The following GLCCI1 variants were observed in gnomAD, a reference collection of about 807,000 sequenced individuals.
GLCCI1 encodes glucocorticoid induced 1, also known as glucocorticoid-induced transcript 1 protein.
Under a neutral mutation model 52.2 loss-of-function variants are expected in GLCCI1, and 24 were observed. The ratio of observed to expected loss-of-function variants is 0.46; its 90% CI spans 0.33 to 0.65. GLCCI1 has a LOEUF of 0.65. GLCCI1 is among the 30% of genes least tolerant of loss of function. The pLI, the probability that GLCCI1 is intolerant of heterozygous loss-of-function variation, is 0.02. For synonymous variants in GLCCI1, 310 were observed against 276.5 expected (o/e 1.12, Z -1.20); for missense variants, 704 against 701.5 (o/e 1.00, Z -0.04).
intron 3 of GLCCI1, among the ~76,000 whole-genome samples, chr7:8,053,005 A>ATTAT (rs60377934): frequency 0.28 from 40,512 of 147,022 alleles, 5,706 homozygotes; most frequent in Middle Eastern, 0.37. Flanking sequence ...TTGGTTTTGT[A>ATTAT]TTATTTATTT....
intron 6 of GLCCI1, among the ~76,000 whole-genome samples, chr7:8,077,861 A>G (rs1277888655): frequency 6.6e-6 from 1 of 152,196 alleles, no homozygotes; most frequent in Non-Finnish European, 1.5e-5. Context: ...CGGTGTGTAC[A>G]GAACAGTAAG....
At chr7:7,991,421 G>C (rs1780836886) in intron 1 of GLCCI1, among the ~76,000 whole-genome samples, 1 of 152,004 alleles carries the variant, frequency 6.6e-6, no homozygotes, top group South Asian at 2.1e-4. Flanking sequence ...TTCCAAGGAA[G>C]GATGTTACTT....
chr7:8,014,057 T>A (rs918034293), intron 2 of GLCCI1, among the ~76,000 whole-genome samples: 5 of 151,720 alleles, frequency 3.3e-5, no homozygotes, highest in Non-Finnish European at 7.4e-5. Flanking sequence ...TGGCACTGTC[T>A]TGGCTCACTG....
At chr7:8,060,633 G>C (rs2127960752) in intron 5 of GLCCI1, among the ~76,000 whole-genome samples, 1 of 152,146 alleles carries the variant, frequency 6.6e-6, no homozygotes, top group African/African-American at 2.4e-5. Flanking sequence ...GTGTTTTTAA[G>C]GTTCACCCAC....
chr7:8,068,591 G>A lies in GLCCI1; in HGVS notation c.967-2330G>A, dbSNP rs893969652. ...TTGGATTGGGTTTTTGCTTTCTTCT[G>A]AATCTTGATGACCTTCATTTCTATA... On this transcript the variant is annotated intron_variant, in intron 5 of 7. Coordinates refer to ENST00000223145, the MANE Select transcript of GLCCI1 (RefSeq NM_138426.4). 5.9e-5 allele frequency among the ~76,000 whole-genome samples: 9 copies of A among 152,088 alleles called. No homozygotes were observed. In the East Asian group the frequency reaches 1.7e-3, roughly 29 times the overall value.
At chr7:8,066,521 G>A (rs1319237150) in intron 5 of GLCCI1, among the ~76,000 whole-genome samples, 1 of 150,956 alleles carries the variant, frequency 6.6e-6, no homozygotes, top group East Asian at 1.9e-4. Context: ...GACCTTTAGA[G>A]CTTGTAAATT....
chr7:8,064,280 T>C (rs928315703), intron 5 of GLCCI1, among the ~76,000 whole-genome samples: 3 of 152,340 alleles, frequency 2.0e-5, no homozygotes, highest in African/African-American at 7.2e-5. Flanking sequence ...TATTTTTGTA[T>C]ATGGTGTGAG....
chr7:8,007,223 C>T (rs757006631), intron 2 of GLCCI1, among the ~76,000 whole-genome samples: 11 of 152,072 alleles, frequency 7.2e-5, no homozygotes, highest in Admixed American at 1.3e-4. Context: ...ATATAGGGCT[C>T]ATTTTACAGA....
intron 1 of GLCCI1, among the ~76,000 whole-genome samples, chr7:7,978,552 C>G (rs1438280584): frequency 6.6e-6 from 1 of 151,954 alleles, no homozygotes; most frequent in Non-Finnish European, 1.5e-5. Flanking sequence ...GTCATTTGTG[C>G]TTACTATAAG....
intron 1 of GLCCI1, among the ~76,000 whole-genome samples, chr7:7,987,735 A>C (rs1780763555): frequency 6.6e-6 from 1 of 152,136 alleles, no homozygotes; most frequent in South Asian, 2.1e-4. Flanking sequence ...CTACAGGTGC[A>C]TGCCGCCATG....
intron 1 of GLCCI1, among the ~76,000 whole-genome samples, chr7:7,974,423 TTTA>T: frequency 6.6e-6 from 1 of 152,286 alleles, no homozygotes; most frequent in Middle Eastern, 3.4e-3. Context: ...TGGAAATCAT[TTTA>T]TTAATTACAG....
chr7:8,087,141 C>T lies in GLCCI1; in HGVS notation c.*603C>T, dbSNP rs1783133886. 1 of 152,752 alleles carries T rather than the reference C, an allele frequency of 6.5e-6. No homozygotes were observed. Among genetic ancestry groups the T allele is most frequent in the Admixed American group, 6.5e-5 (1 of 15,300 alleles). 9.5% of individuals were successfully genotyped at this position (152,752 alleles called of 1,614,324 possible). A position where few individuals can be genotyped will look rare whatever the true frequency, so the allele number is the denominator to read the frequency against. On this transcript the variant is annotated 3_prime_UTR_variant, in exon 8 of 8. Transcript: ENST00000223145. ...CTAAAAAGCTAAAGAGGGAACATCA[C>T]TCTTTTGCCTTTCCTTATTTTATGC...
chr7:7,979,105 A>G (rs138609383), intron 1 of GLCCI1, among the ~76,000 whole-genome samples: 7 of 152,314 alleles, frequency 4.6e-5, no homozygotes, highest in Non-Finnish European at 8.8e-5. Flanking sequence ...GTTGGCAAAC[A>G]TTGCTAAATG....
At chr7:8,007,726 G>A (rs1161301979) in intron 2 of GLCCI1, among the ~76,000 whole-genome samples, 1 of 152,132 alleles carries the variant, frequency 6.6e-6, no homozygotes, top group Non-Finnish European at 1.5e-5. Context: ...TGGGCTGTTT[G>A]GCCTTGGTGG....
chr7:7,984,751 A>G, intron 1 of GLCCI1, among the ~76,000 whole-genome samples: 2 of 152,350 alleles, frequency 1.3e-5, no homozygotes, highest in South Asian at 4.1e-4. Flanking sequence ...AGCAAAATTA[A>G]TATCCTAAGA....
chr7:7,994,430 A>G (rs557943743), intron 1 of GLCCI1, among the ~76,000 whole-genome samples: 2 of 152,306 alleles, frequency 1.3e-5, no homozygotes, highest in East Asian at 3.9e-4. Flanking sequence ...ATTGTTCACA[A>G]TTCTGGAGAG....
chr7:8,063,785 AT>A (rs973067860), intron 5 of GLCCI1, among the ~76,000 whole-genome samples: 6 of 147,758 alleles, frequency 4.1e-5, no homozygotes, highest in Non-Finnish European at 6.0e-5. Context: ...CAGCCAGCTG[AT>A]TTTTTTTTTA....
intron 2 of GLCCI1, among the ~76,000 whole-genome samples, chr7:8,015,321 A>C (rs1195872859): frequency 3.3e-5 from 5 of 152,254 alleles, no homozygotes; most frequent in Non-Finnish European, 7.3e-5. Flanking sequence ...TCCTGACCAA[A>C]AGTCACACTT....
chr7:7,970,834 T>C (rs1454411943), intron 1 of GLCCI1, among the ~76,000 whole-genome samples: 1 of 152,228 alleles, frequency 6.6e-6, no homozygotes, highest in African/African-American at 2.4e-5. Flanking sequence ...CAGATGCTGC[T>C]GCTGCATTGT....
Sources: allele counts gnomAD v4.1 joint callset (sites outside exome capture counted in the v4.1 genomes callset), GRCh38; gene constraint gnomAD v4.1.1; transcripts MANE v1.5; gene names NCBI Gene and HGNC (gene_info 2026-07-23, HGNC 2026-07-21).